The following SPG7 variants were observed in gnomAD, a reference collection of about 807,000 sequenced individuals.
SPG7 encodes mitochondrial inner membrane m-AAA protease component paraplegin.
SPG7 carries 103 observed loss-of-function variants against 81.9 expected under a neutral mutation model. The ratio of observed to expected loss-of-function variants is 1.26; its 90% CI spans 1.07 to 1.48. The LOEUF is 1.48. Ranked by LOEUF, SPG7 falls within the 40% of genes most tolerant of loss-of-function variation. SPG7 has a pLI of 0.00. For synonymous variants in SPG7, 534 were observed against 444.2 expected, an observed-to-expected ratio of 1.20 and a Z score of -2.54; for missense variants, 1,241 against 1,087.3, an observed-to-expected ratio of 1.14 and a Z score of -1.99.
chr16:89,545,027 T>TGTGGCCCCCACATTGGCTGCA, intron 10 of SPG7: 1 of 548,212 alleles, frequency 1.8e-6, no homozygotes, highest in Non-Finnish European at 3.3e-6. Flanking sequence ...CACTCACTGC[T>TGTGGCCCCCACATTGGCTGCA]CGGGGTTTTG....
rs1317037177 is a variant in SPG7 at position 89,526,874 on chromosome 16, C to T, written c.758+406C>T. ...AGTCTCAGCCCCCGACGTAGGATGC[C>T]GAAGTCTCAGCCCCCGACGTAGGAT... On this transcript the variant is annotated intron_variant, in intron 5 of 16. Coordinates refer to ENST00000645818, the MANE Select transcript of SPG7 (RefSeq NM_003119.4). The T allele has an allele frequency of 1.4e-5, 4 of 284,634 alleles. No homozygotes were observed. The Admixed American group carries it at 2.0e-4, about 14-fold the overall frequency. 17.6% of individuals were successfully genotyped at this position (284,634 alleles called of 1,614,324 possible).
At chr16:89,556,819 C>G in intron 16 of SPG7, 68 bp from the exon 17 acceptor site, 4 of 1,295,006 alleles carry the variant, frequency 3.1e-6, no homozygotes, top group Non-Finnish European at 4.5e-6. Context: ...CTCTTGCCAC[C>G]TCCCCAGGAC....
chr16:89,538,506 TC>T (rs1478023695), intron 9 of SPG7: 1 of 151,822 alleles, frequency 6.6e-6, no homozygotes, highest in Non-Finnish European at 1.5e-5. Flanking sequence ...GCCCTGGGCT[TC>T]TGGGCTCCGC....
rs1484474368 is a variant in SPG7, at chr16:89,554,550, A to T, written c.2168A>T (p.Asp723Val). 1.2e-6 allele frequency: 2 copies of T among 1,609,182 alleles called. No individual in the cohort carries two copies. The highest frequency in any genetic ancestry group is 2.2e-5 in the South Asian group (2 of 91,018). Residue 723 changes from aspartate (D) to valine (V), a missense_variant, in exon 16 of 17, where the codon GAC becomes GTC. By Grantham distance (152) the Asp-to-Val change is radical. Coordinates refer to ENST00000645818, the MANE Select transcript of SPG7 (RefSeq NM_003119.4). ...GAGAAGGTGCTGCAGGACAACCTGG[A>T]CAAGTTGCAGGCGGTGAGGCCCTGG... ...HTEKVLQDNLDKLQALANALL... is the reference protein window; with the variant it reads ...HTEKVLQDNLVKLQALANALL...
chr16:89,520,965 T>C (rs2058180340), intron 3 of SPG7: 1 of 152,260 alleles, frequency 6.6e-6, no homozygotes, highest in Admixed American at 6.5e-5. Flanking sequence ...CAGACAGGGT[T>C]GTACTGGTTT....
Position 89,510,412 on chromosome 16 carries a change from A to G in SPG7, c.184-78A>G, listed in dbSNP as rs530454111. 8.0e-6 allele frequency: 7 copies of G among 880,292 alleles called. No homozygotes were observed. The East Asian group carries it at 1.7e-4, about 22-fold the overall frequency. 54.5% of individuals were successfully genotyped at this position (880,292 alleles called of 1,614,324 possible). On this transcript the variant is annotated intron_variant, in intron 1 of 16. Transcript: ENST00000645818. ...ATAATTATATATTTGAACTTTTAAA[A>G]ACGATTTTTAGTCTGCATTGCTTTG...
At chr16:89,515,919 G>A (rs969707278) in intron 3 of SPG7, among the ~76,000 whole-genome samples, 2 of 151,738 alleles carry the variant, frequency 1.3e-5, no homozygotes, top group South Asian at 2.1e-4. Context: ...ATGTTGGCAA[G>A]GATGGTCTCA....
intron 5 of SPG7, among the ~76,000 whole-genome samples, chr16:89,527,933 GAA>G (rs374619339): frequency 7.1e-6 from 1 of 141,680 alleles, no homozygotes. Context: ...CATCTCTACA[GAA>G]AAAAAAAAAA....
chr16:89,509,620 G>C (rs575088323), intron 1 of SPG7, among the ~76,000 whole-genome samples: 13 of 151,988 alleles, frequency 8.6e-5, no homozygotes, highest in Non-Finnish European at 1.8e-4. Flanking sequence ...TTGTTAACTG[G>C]TTTGGTACCT....
chr16:89,544,047 C>T (rs913448480), intron 9 of SPG7: 3 of 172,014 alleles, frequency 1.7e-5, no homozygotes, highest in East Asian at 1.5e-4. Flanking sequence ...AACACCTGAA[C>T]GTTCTTACGA....
At chr16:89,529,374 C>G (rs762524120) in intron 5 of SPG7, 103 bp from the exon 6 acceptor site, 1 of 769,490 alleles carries the variant, frequency 1.3e-6, no homozygotes, top group Non-Finnish European at 2.3e-6. Flanking sequence ...AGGGATTCCT[C>G]GTCTCATCTT....
At chr16:89,548,380 A>T in intron 12 of SPG7, 1 of 449,644 alleles carries the variant, frequency 2.2e-6, no homozygotes, top group Non-Finnish European at 4.0e-6. Context: ...AAAATAAAAA[A>T]TGCCCCCCAA....
At chr16:89,512,457 C>T (rs1271966487) in intron 2 of SPG7, among the ~76,000 whole-genome samples, 4 of 152,198 alleles carry the variant, frequency 2.6e-5, no homozygotes, top group East Asian at 3.9e-4. Flanking sequence ...GGATTACAAG[C>T]GCCTGCCAAC....
intron 6 of SPG7, 134 bp from the exon 7 acceptor site, chr16:89,530,548 AC>A: frequency 1.1e-6 from 1 of 945,536 alleles, no homozygotes; most frequent in Non-Finnish European, 1.7e-6. Flanking sequence ...CGTCAGCCTG[AC>A]ATGAGTGAAG....
chr16:89,543,378 T>G (rs1205598122), intron 9 of SPG7: 1 of 137,492 alleles, frequency 7.3e-6, no homozygotes, highest in African/African-American at 2.7e-5. Context: ...AGTCTTGCTC[T>G]GTCGCCCAGG....
rs2058343573 is a variant in SPG7 at position 89,531,621 on chromosome 16, G to T, written c.988-283G>T. On this transcript the variant is annotated intron_variant, in intron 7 of 16. Transcript: ENST00000645818. ...ACTCCTGATCTCAAGCTACGCGCCT[G>T]CCTCAGCCTCCCAAAATGTTGGAAT... 4.4e-6 allele frequency: 2 copies of T among 455,282 alleles called. 1 individual carries two copies. 28.2% of individuals were successfully genotyped at this position (455,282 alleles called of 1,614,324 possible). A position where few individuals can be genotyped will look rare whatever the true frequency, so the allele number is the denominator to read the frequency against.
At position 89,532,496 on chromosome 16, in the gene SPG7, A is replaced by G; in HGVS notation, c.1184A>G (p.Lys395Arg). ...LGAARVRSLF[K>R]EARARAPCIV... ...GCTGCCCGTGTGCGGAGCCTCTTTA[A>G]GGAAGCCCGAGCCCGGGCCCCCTGC... The change falls in exon 9 of 17, where the codon AAG (lysine) becomes AGG (arginine). Residue 395 changes from lysine (K) to arginine (R), a missense_variant. Physicochemically the swap from Lys to Arg is conservative, Grantham distance 26. Coordinates refer to ENST00000645818, the MANE Select transcript of SPG7 (RefSeq NM_003119.4). The G allele has an allele frequency of 6.2e-7, 1 of 1,613,628 alleles. No individual in the cohort carries two copies. The highest frequency in any genetic ancestry group is 8.5e-7 in the Non-Finnish European group (1 of 1,180,038).
intron 16 of SPG7, chr16:89,555,844 G>A (rs780997361): frequency 3.4e-4 from 134 of 398,710 alleles, no homozygotes; most frequent in Middle Eastern, 6.3e-4. Context: ...TGGATAGGTA[G>A]TTGTTTCTTC....
chr16:89,536,065 G>T (rs2058410806), intron 9 of SPG7, among the ~76,000 whole-genome samples: 1 of 148,960 alleles, frequency 6.7e-6, no homozygotes, highest in African/African-American at 2.5e-5. Context: ...GGCCTTCAGT[G>T]TGGCCGCTCT....
Sources: allele counts gnomAD v4.1 joint callset (sites outside exome capture counted in the v4.1 genomes callset), GRCh38; gene constraint gnomAD v4.1.1; transcripts MANE v1.5; gene names NCBI Gene and HGNC (gene_info 2026-07-23, HGNC 2026-07-21).